PARD3B: variants seen among roughly 807,000 people sequenced by gnomAD.
PARD3B encodes partitioning defective 3 homolog B.
PARD3B carries 103 observed loss-of-function variants against 130.2 expected under a neutral mutation model. That is an observed-to-expected ratio of 0.79 (90% CI 0.67 to 0.93). The LOEUF is 0.93. Among genes scored for constraint, PARD3B ranks in the 40% least tolerant of loss-of-function variants. PARD3B has a pLI of 0.00. For synonymous variants in PARD3B, 583 were observed against 553.2 expected, an observed-to-expected ratio of 1.05 and a Z score of -0.76; for missense variants, 1,609 against 1,499.2, an observed-to-expected ratio of 1.07 and a Z score of -1.21.
intron 2 of PARD3B, among the ~76,000 whole-genome samples, chr2:204,811,507 G>A (rs2042960913): frequency 6.6e-6 from 1 of 152,102 alleles, no homozygotes; most frequent in African/African-American, 2.4e-5. Context: ...AGTATATCTG[G>A]ATCCATTAGG....
intron 4 of PARD3B, among the ~76,000 whole-genome samples, chr2:205,076,301 T>A (rs1406746424): frequency 6.6e-6 from 1 of 152,262 alleles, no homozygotes; most frequent in Non-Finnish European, 1.5e-5. Context: ...TTAATCTGGC[T>A]GGTGACTTCA....
chr2:205,380,344 T>C (rs1293162953), intron 18 of PARD3B, among the ~76,000 whole-genome samples: 67 of 18,114 alleles, frequency 3.7e-3, no homozygotes, highest in Non-Finnish European at 4.7e-3. Flanking sequence ...ATAAAGAATA[T>C]ATAATATATA....
chr2:205,493,621 T>C (rs2049806084), intron 20 of PARD3B, among the ~76,000 whole-genome samples: 1 of 152,110 alleles, frequency 6.6e-6, no homozygotes, highest in African/African-American at 2.4e-5. Flanking sequence ...ACATCCAATT[T>C]AAAGGGTTTT....
In PARD3B at chr2:205,616,641, G is replaced by T. The variant is rs2055446614; in HGVS notation, c.*828G>T. On this transcript the variant is annotated 3_prime_UTR_variant, in exon 23 of 23. Transcript: ENST00000406610. ...CTCCCTCCCACATTCCAGGCATGGA[G>T]ATATCTGGTTTCAGAGTCAGCCCCA... 6.6e-6 allele frequency: 1 copy of T among 152,186 alleles called. No homozygotes were observed. The highest frequency in any genetic ancestry group is 1.5e-5 in the Non-Finnish European group (1 of 68,062). The allele number at this position is 152,186 out of a possible 1,614,324, so 9.4% of individuals were successfully genotyped here.
chr2:204,630,193 G>C lies in PARD3B; in HGVS notation c.121-55988G>C, dbSNP rs2125138197. Among the ~76,000 whole-genome samples, 2 of 152,144 alleles carry C rather than the reference G, an allele frequency of 1.3e-5. 1 individual carries two copies. Among genetic ancestry groups the C allele is most frequent in the South Asian group, 4.1e-4 (2 of 4,820 alleles). ...GTTATACTCAATCTGATCCAAACTG[G>C]TTTTTATTACCATGGGTAATGTTAG... On this transcript the variant is annotated intron_variant, in intron 1 of 22. Transcript: ENST00000406610.
intron 10 of PARD3B, among the ~76,000 whole-genome samples, chr2:205,153,552 G>A (rs1181941852): frequency 1.3e-5 from 2 of 151,936 alleles, no homozygotes; most frequent in Non-Finnish European, 1.5e-5. Context: ...CTACTTTAAA[G>A]TTCATATGGA....
intron 19 of PARD3B, among the ~76,000 whole-genome samples, chr2:205,415,169 A>G (rs2046732505): frequency 6.6e-6 from 1 of 152,190 alleles, no homozygotes; most frequent in South Asian, 2.1e-4. Context: ...CTTTAACAAA[A>G]TGCTTCAATA....
chr2:204,697,133 G>T (rs190953054), intron 2 of PARD3B, among the ~76,000 whole-genome samples: 22 of 152,224 alleles, frequency 1.4e-4, no homozygotes, highest in African/African-American at 5.3e-4. Flanking sequence ...AACAGGGATA[G>T]AAGTTGATTT....
chr2:205,021,634 C>T lies in PARD3B; in HGVS notation c.395-25947C>T, dbSNP rs529226725. On this transcript the variant is annotated intron_variant, in intron 3 of 22. Transcript: ENST00000406610. This position sits in a 1 kb window ranked among gnomAD's most constrained non-coding sequence, Gnocchi z 4.5. ...TCTCTCTCTCTCCCTCTCTCTTTCT[C>T]TCTCTCTCTCTCTCTCTATATATAT... Among the ~76,000 whole-genome samples the T allele has an allele frequency of 4.5e-5, 5 of 110,468 alleles. No homozygotes were observed. The highest frequency in any genetic ancestry group is 1.0e-4 in the Admixed American group (1 of 9,914). 72.5% of individuals were successfully genotyped at this position (110,468 alleles called of 152,430 possible).
intron 2 of PARD3B, among the ~76,000 whole-genome samples, chr2:204,816,943 T>C (rs886846353): frequency 6.6e-6 from 1 of 152,092 alleles, no homozygotes; most frequent in African/African-American, 2.4e-5. Context: ...CCTCTTTTTG[T>C]TTCATATGAT....
intron 20 of PARD3B, among the ~76,000 whole-genome samples, chr2:205,476,368 G>C (rs780502552): frequency 2.0e-5 from 3 of 151,978 alleles, no homozygotes; most frequent in Non-Finnish European, 2.9e-5. Context: ...TTTCTTAAAA[G>C]AATCACCGGT....
At chr2:205,320,057 T>C (rs1212177941) in intron 18 of PARD3B, among the ~76,000 whole-genome samples, 1 of 151,826 alleles carries the variant, frequency 6.6e-6, no homozygotes, top group Non-Finnish European at 1.5e-5. Context: ...TCCCAGCTAC[T>C]TGGGAGGCTG....
chr2:205,182,988 C>G (rs916005612), intron 13 of PARD3B, among the ~76,000 whole-genome samples: 1 of 152,150 alleles, frequency 6.6e-6, no homozygotes, highest in African/African-American at 2.4e-5. Flanking sequence ...GCAATGGTGT[C>G]CAGCCGTATG....
intron 13 of PARD3B, among the ~76,000 whole-genome samples, chr2:205,181,445 G>A (rs1437364393): frequency 6.6e-6 from 1 of 152,178 alleles, no homozygotes; most frequent in Non-Finnish European, 1.5e-5. Context: ...GTCTGAAGCA[G>A]GAGTCAAAAA....
At chr2:204,557,996 A>G (rs892305485) in intron 1 of PARD3B, 4 of 152,112 alleles carry the variant, frequency 2.6e-5, no homozygotes, top group African/African-American at 7.2e-5. Flanking sequence ...GACTACCTCA[A>G]TTTTGATGGA....
At position 204,623,116 on chromosome 2, in the gene PARD3B, TAGCC is replaced by T. The variant is rs1168297029; in HGVS notation, c.121-63061_121-63058del. Among the ~76,000 whole-genome samples the T allele has an allele frequency of 6.6e-6, 1 of 152,168 alleles. No homozygotes were observed. The highest frequency in any genetic ancestry group is 1.5e-5 in the Non-Finnish European group (1 of 68,016). On this transcript the variant is annotated intron_variant, in intron 1 of 22. Transcript: ENST00000406610. This position sits in a 1 kb window ranked among gnomAD's most constrained non-coding sequence, Gnocchi z 4.5. ...TAATAGTAGTTTTTGGCTGTATCCT[TAGCC>T]AGCAATTTTTATTTTTTAAAACTCT...
rs946544014 is a variant in PARD3B, at chr2:205,421,623, C to T, written c.2742-18747C>T. On this transcript the variant is annotated intron_variant, in intron 19 of 22. Coordinates refer to ENST00000406610, the MANE Select transcript of PARD3B (RefSeq NM_001302769.2). This position sits in a 1 kb window ranked among gnomAD's most constrained non-coding sequence, Gnocchi z 5.1. ...TTTAGGTCTCATCATCAGTTCCATT[C>T]ATTCATAATCAGCATTAGTCTTCTA... 6.6e-6 allele frequency among the ~76,000 whole-genome samples: 1 copy of T among 152,166 alleles called. No individual in the cohort carries two copies. Among genetic ancestry groups the T allele is most frequent in the Admixed American group, 6.5e-5 (1 of 15,274 alleles).
At chr2:205,199,724 A>G (rs987637711) in intron 15 of PARD3B, among the ~76,000 whole-genome samples, 5 of 152,120 alleles carry the variant, frequency 3.3e-5, no homozygotes, top group African/African-American at 1.2e-4. Flanking sequence ...ATCCTCATAC[A>G]TAGGAGAGAA....
intron 2 of PARD3B, among the ~76,000 whole-genome samples, chr2:204,818,670 A>G (rs1317249358): frequency 6.6e-6 from 1 of 152,232 alleles, no homozygotes; most frequent in Admixed American, 6.5e-5. Flanking sequence ...TAGGTGTGCC[A>G]TCCAATTATA....
Sources: allele counts gnomAD v4.1 joint callset (sites outside exome capture counted in the v4.1 genomes callset), GRCh38; gene constraint gnomAD v4.1.1; non-coding constraint Gnocchi (gnomAD v3.1); transcripts MANE v1.5; gene names NCBI Gene and HGNC (gene_info 2026-07-23, HGNC 2026-07-21).